Variants in CTDSP1 observed in about 807,000 individuals in gnomAD.
CTDSP1 encodes carboxy-terminal domain RNA polymerase II polypeptide A small phosphatase 1.
CTDSP1 carries 15 observed loss-of-function variants against 32.5 expected under a neutral mutation model. The observed-to-expected ratio is 0.46, with a 90% confidence interval of 0.31 to 0.71. The LOEUF (loss-of-function observed/expected upper bound fraction) is 0.71, where lower values mean the gene tolerates loss of function less well. CTDSP1 is among the 30% of genes least tolerant of loss of function. The probability of loss-of-function intolerance (pLI) is 0.05; values close to 1 mark genes in which losing one functional copy is unlikely to be tolerated. For synonymous variants in CTDSP1, 185 were observed against 145.4 expected, an observed-to-expected ratio of 1.27 and a Z score of -1.96; for missense variants, 294 against 351.1, an observed-to-expected ratio of 0.84 and a Z score of 1.30.
chr2:218,402,426 G>A (rs769923230), intron 4 of CTDSP1, 21 bp downstream of exon 4: 6 of 1,600,532 alleles, frequency 3.7e-6, no homozygotes, highest in South Asian at 2.3e-5. Context: ...GGAAGAGGCA[G>A]TGGTGGGCTT....
At chr2:218,400,595 C>T (rs898288081) in intron 1 of CTDSP1, 2 of 383,342 alleles carry the variant, frequency 5.2e-6, no homozygotes, top group East Asian at 1.4e-4. Context: ...GAGGGGGCGC[C>T]GAGGTGACAG....
intron 4 of CTDSP1, chr2:218,402,745 G>A (rs1219247713): frequency 1.3e-6 from 1 of 747,722 alleles, no homozygotes. Flanking sequence ...TTGGGGTGAG[G>A]GGGCTGCCCC....
rs778600045 is a variant in CTDSP1 at position 218,403,278 on chromosome 2, G to A, written c.518G>A (p.Arg173Gln). The A allele has an allele frequency of 1.2e-6, 2 of 1,613,968 alleles. No homozygotes were observed. Among genetic ancestry groups the A allele is most frequent in the Admixed American group, 1.7e-5 (1 of 60,002 alleles). ...CTGCTGGACAAATGGGGGGCCTTCC[G>A]GGCCCGGCTGTTTCGAGAGTCCTGC... ...ADLLDKWGAFRARLFRESCVF... is the reference protein window; with the variant it reads ...ADLLDKWGAFQARLFRESCVF... Residue 173 changes from arginine (R) to glutamine (Q), a missense_variant, in exon 6 of 7, where the codon CGG becomes CAG. Physicochemically the swap from Arg to Gln is conservative, Grantham distance 43 (BLOSUM62 1). Coordinates refer to ENST00000273062, the MANE Select transcript of CTDSP1 (RefSeq NM_021198.3).
chr2:218,403,031 C>T lies in CTDSP1; in HGVS notation c.379-4C>T, dbSNP rs569783106. Reference sequence around the variant, plus strand: ...CGCAGCCCCCTCACTGGCCCGCCCCCCAGGTCTACGTGTTGAAGCGTCCTC... The same window carrying T: ...CGCAGCCCCCTCACTGGCCCGCCCCTCAGGTCTACGTGTTGAAGCGTCCTC... On this transcript the variant is annotated splice_polypyrimidine_tract_variant and splice_region_variant and intron_variant, in intron 4 of 6. Transcript: ENST00000273062. 3 of 1,613,658 alleles carry T rather than the reference C, an allele frequency of 1.9e-6. No homozygotes were observed. Among genetic ancestry groups the T allele is most frequent in the African/African-American group, 2.7e-5 (2 of 75,060 alleles).
Position 218,400,117 on chromosome 2 carries a change from G to T in CTDSP1, c.27G>T (p.Gln9His). 1 of 1,545,164 alleles carries T rather than the reference G, an allele frequency of 6.5e-7. No individual in the cohort carries two copies. The highest frequency in any genetic ancestry group is 8.7e-7 in the Non-Finnish European group (1 of 1,145,092). Residue 9 changes from glutamine to histidine, a missense_variant, in exon 1 of 7, where the codon CAG (glutamine) becomes CAT (histidine). By Grantham distance (24) the Gln-to-His change is conservative. Coordinates refer to ENST00000273062, the MANE Select transcript of CTDSP1 (RefSeq NM_021198.3). The stretch of plus-strand genomic sequence containing the variant: ...TGGACAGCTCGGCCGTCATTACTCA[G>T]ATCAGCAAGGAGGAGGCTCGGGGCC... MDSSAVIT[Q>H]ISKEEARGPL...
Position 218,402,109 on chromosome 2 carries a change from A to G in CTDSP1, c.217-2A>G. ...CCCCAGCCAGCCCCGCCCTCCCTACAGCAGACCCCAGTCCAATACCTGCTC... is the reference window on the plus strand; with the variant it reads ...CCCCAGCCAGCCCCGCCCTCCCTACGGCAGACCCCAGTCCAATACCTGCTC... On this transcript the variant is annotated splice_acceptor_variant, in intron 2 of 6. Coordinates refer to ENST00000273062, the MANE Select transcript of CTDSP1 (RefSeq NM_021198.3). LOFTEE classifies it high-confidence loss of function. 6.2e-7 allele frequency: 1 copy of G among 1,609,720 alleles called. No individual in the cohort carries two copies. Among genetic ancestry groups the G allele is most frequent in the Non-Finnish European group, 8.5e-7 (1 of 1,177,070 alleles).
At chr2:218,401,533 C>T (rs968950551) in intron 1 of CTDSP1, 31 bp from the exon 2 acceptor site, 12 of 1,611,600 alleles carry the variant, frequency 7.4e-6, no homozygotes, top group South Asian at 1.1e-5. Flanking sequence ...CAGTGTGCAC[C>T]GAGCCTCCAA....
Position 218,399,976 on chromosome 2 carries a change from G to T in CTDSP1, c.-115G>T, listed in dbSNP as rs1157749818. The T allele has an allele frequency of 3.2e-5, 37 of 1,140,536 alleles. No individual in the cohort carries two copies. Among genetic ancestry groups the T allele is most frequent in the Non-Finnish European group, 4.0e-5 (36 of 908,062 alleles). The allele number at this position is 1,140,536 out of a possible 1,614,324, so 70.7% of individuals were successfully genotyped here. A position where few individuals can be genotyped will look rare whatever the true frequency, so the allele number is the denominator to read the frequency against. ...GCTCCCCTCCCCTCCGGAGCTCGCG[G>T]GGATCCCTCCCTCCCACCCCTCCCC... On this transcript the variant is annotated 5_prime_UTR_variant, in exon 1 of 7. Transcript: ENST00000273062.
rs772793528 is a variant in CTDSP1, at chr2:218,402,073, G to A, written c.217-38G>A. On this transcript the variant is annotated intron_variant, in intron 2 of 6. Transcript: ENST00000273062. The stretch of plus-strand genomic sequence containing the variant: ...CTGCGTGGGAGGAAGGACCAGGCCC[G>A]GAGAGAGGCACCCCAGCCAGCCCCG... 7.2e-5 allele frequency: 103 copies of A among 1,440,294 alleles called. No homozygotes were observed. In the Admixed American group the frequency reaches 1.1e-3, roughly 15 times the overall value. 89.2% of individuals were successfully genotyped at this position (1,440,294 alleles called of 1,614,324 possible).
chr2:218,396,718 G>T (rs1220854913), upstream of CTDSP1: 1 of 152,608 alleles, frequency 6.6e-6, no homozygotes, highest in African/African-American at 2.4e-5. Flanking sequence ...GGAGGAGATG[G>T]ATGGGGGACG....
Position 218,404,279 on chromosome 2 carries a change from C to T in CTDSP1, c.658-18C>T, listed in dbSNP as rs764003035. On this transcript the variant is annotated intron_variant, in intron 6 of 6. Coordinates refer to ENST00000273062, the MANE Select transcript of CTDSP1 (RefSeq NM_021198.3). ...AGGACCACCTGCCCCCCTCATCTTC[C>T]TACACCCACTTCCCCAGGTACCGGT... 26 of 1,613,134 alleles carry T rather than the reference C, an allele frequency of 1.6e-5. No individual in the cohort carries two copies. The highest frequency in any genetic ancestry group is 2.2e-5 in the Non-Finnish European group (26 of 1,179,484).
At chr2:218,397,570 G>A (rs1696884198), upstream of CTDSP1, among the ~76,000 whole-genome samples, 1 of 152,212 alleles carries the variant, frequency 6.6e-6, no homozygotes, top group African/African-American at 2.4e-5. Flanking sequence ...GTGCCAGACA[G>A]CACCTTGCTG....
intron 1 of CTDSP1, 123 bp from the exon 2 acceptor site, chr2:218,401,441 G>C (rs1266854075): frequency 2.7e-6 from 3 of 1,123,790 alleles, no homozygotes; most frequent in African/African-American, 1.6e-5. Flanking sequence ...AGCTGCCTTC[G>C]TGTGTCTGGA....
At chr2:218,400,545 C>G (rs1251430122) in intron 1 of CTDSP1, 2 of 378,230 alleles carry the variant, frequency 5.3e-6, no homozygotes, top group Non-Finnish European at 1.0e-5. Context: ...CCCCACCCCC[C>G]ACCCCCACCC....
chr2:218,400,395 CAGGA>C, intron 1 of CTDSP1: 1 of 615,300 alleles, frequency 1.6e-6, no homozygotes, highest in Non-Finnish European at 2.9e-6. Context: ...GAAACTGAGG[CAGGA>C]ATAGAGAGGG....
At chr2:218,398,122 A>C (rs1696914563), upstream of CTDSP1, 3 of 461,072 alleles carry the variant, frequency 6.5e-6, no homozygotes, top group Non-Finnish European at 1.2e-5. Flanking sequence ...CCCTCGCCAC[A>C]CGCTTCCTTT....
chr2:218,401,384 G>A (rs1559135851), intron 1 of CTDSP1, 180 bp from the exon 2 acceptor site: 1 of 644,070 alleles, frequency 1.6e-6, no homozygotes, highest in African/African-American at 1.8e-5. Flanking sequence ...CAGGAGCCTT[G>A]CAGTTGATTG....
chr2:218,400,158 G>C lies in CTDSP1; in HGVS notation c.67+1G>C. ...GCTCGGGGCCCGCTGCGGGGCAAAG[G>C]TACCGGGGCTGCGGGGAGGGGGCCG... is the stretch of plus-strand genomic sequence containing the variant. On this transcript the variant is annotated splice_donor_variant, in intron 1 of 6. Coordinates refer to ENST00000273062, the MANE Select transcript of CTDSP1 (RefSeq NM_021198.3). LOFTEE classifies it high-confidence loss of function. 6.5e-7 allele frequency: 1 copy of C among 1,544,538 alleles called. No homozygotes were observed. Among genetic ancestry groups the C allele is most frequent in the Non-Finnish European group, 8.7e-7 (1 of 1,144,994 alleles).
rs144048283 is a variant in CTDSP1, at chr2:218,401,682, G to C, written c.186G>C (p.Leu62=). ...EALPAHSGAP[L]LVEENGAIPK... ...TGCCTGCTCACAGCGGGGCGCCCCT[G>C]CTTGTGGAGGAGAATGGCGCCATCC... The change falls in exon 2 of 7, where the codon CTG becomes CTC. Residue 62 remains leucine (L), a synonymous_variant. Coordinates refer to ENST00000273062, the MANE Select transcript of CTDSP1 (RefSeq NM_021198.3). 8.1e-6 allele frequency: 13 copies of C among 1,600,386 alleles called. No homozygotes were observed. In the African/African-American group the frequency reaches 1.2e-4, roughly 15 times the overall value.
Sources: allele counts gnomAD v4.1 joint callset (sites outside exome capture counted in the v4.1 genomes callset), GRCh38; gene constraint gnomAD v4.1.1; transcripts MANE v1.5; gene names NCBI Gene and HGNC (gene_info 2026-07-23, HGNC 2026-07-21).